Variants in BTD observed in about 807,000 individuals in gnomAD.
The protein encoded by BTD is biotinidase.
A neutral mutation model predicts 17.7 loss-of-function variants in BTD; 13 were observed. The ratio of observed to expected loss-of-function variants is 0.74; its 90% CI spans 0.48 to 1.17. The LOEUF is 1.17. BTD is among the 50% of genes most tolerant of loss of function. The pLI, the probability that BTD is intolerant of heterozygous loss-of-function variation, is 0.00. For missense variants in BTD, 674 were observed against 650.4 expected (o/e 1.04, Z -0.39); for synonymous variants, 240 against 245.2 (o/e 0.98, Z 0.20).
rs2065642615 is a variant in BTD at position 15,644,678 on chromosome 3, C to T, written c.762C>T (p.Asn254=). Residue 254 remains asparagine, a synonymous_variant, in exon 4 of 4, where the codon AAC becomes AAT. Transcript: ENST00000643237. ...KHVVYPTAWM[N]QLPLLAAIEI... ...TTGTGTACCCAACTGCCTGGATGAA[C>T]CAGCTCCCACTCTTGGCAGCAATTG... is the stretch of plus-strand genomic sequence containing the variant. The T allele has an allele frequency of 1.9e-6, 3 of 1,614,058 alleles. No homozygotes were observed. The highest frequency in any genetic ancestry group is 1.1e-5 in the South Asian group (1 of 91,082).
chr3:15,708,103 G>C lies in BTD; in HGVS notation c.400-1957G>C, dbSNP rs180729041. 1.2e-4 allele frequency: 188 copies of C among 1,566,528 alleles called. 1 individual carries two copies. Among genetic ancestry groups the C allele is most frequent in the Non-Finnish European group, 1.6e-4 (180 of 1,153,926 alleles). On this transcript the variant is annotated intron_variant, in intron 3 of 3. Transcript: ENST00000672141. ...GTTAATACAAGAAAGATAAAAGCCA[G>C]AGACATAACTAGTAAACAAAAGCAT... is the stretch of plus-strand genomic sequence containing the variant.
At chr3:15,661,784 C>T (rs1456599601) in intron 3 of BTD, among the ~76,000 whole-genome samples, 1 of 152,112 alleles carries the variant, frequency 6.6e-6, no homozygotes, top group Non-Finnish European at 1.5e-5. Flanking sequence ...GTTCTGTGAT[C>T]CATTTTGTTA....
intron 3 of BTD, among the ~76,000 whole-genome samples, chr3:15,678,017 G>A (rs1317411867): frequency 6.6e-6 from 1 of 152,164 alleles, no homozygotes; most frequent in Non-Finnish European, 1.5e-5. Context: ...CCATGGTAAA[G>A]TAGACTCCTC....
intron 1 of BTD, among the ~76,000 whole-genome samples, chr3:15,614,295 T>G (rs1417563335): frequency 6.6e-6 from 1 of 151,948 alleles, no homozygotes; most frequent in Admixed American, 6.6e-5. Context: ...AGCTAATACT[T>G]TTTTACTTTT....
At chr3:15,621,792 G>A (rs2064958094) in intron 1 of BTD, among the ~76,000 whole-genome samples, 1 of 151,994 alleles carries the variant, frequency 6.6e-6, no homozygotes, top group Non-Finnish European at 1.5e-5. Context: ...TAGAGATGGG[G>A]TTTCACCATG....
chr3:15,680,733 A>G (rs2067451706), intron 3 of BTD, among the ~76,000 whole-genome samples: 1 of 151,880 alleles, frequency 6.6e-6, no homozygotes, highest in Admixed American at 6.6e-5. Flanking sequence ...TGGCATGATC[A>G]TGACTCTCTG....
chr3:15,611,254 C>T (rs1351113808), intron 1 of BTD, among the ~76,000 whole-genome samples: 1 of 152,006 alleles, frequency 6.6e-6, no homozygotes, highest in African/African-American at 2.4e-5. Flanking sequence ...TGGCAAGTAC[C>T]CTCTGTACTC....
At chr3:15,605,411 A>G (rs973756368) in intron 1 of BTD, among the ~76,000 whole-genome samples, 2 of 152,192 alleles carry the variant, frequency 1.3e-5, no homozygotes, top group Admixed American at 1.3e-4. Context: ...GGTACCGCTC[A>G]TGATATGTAG....
At chr3:15,670,207 G>A (rs2125569283) in intron 3 of BTD, 1 of 1,534,944 alleles carries the variant, frequency 6.5e-7, no homozygotes, top group Non-Finnish European at 8.9e-7. Flanking sequence ...ATATCAAAGT[G>A]CCTTTTTCCT....
At chr3:15,716,868 G>A (rs1255604919), downstream of BTD, among the ~76,000 whole-genome samples, 4 of 152,140 alleles carry the variant, frequency 2.6e-5, no homozygotes, top group Non-Finnish European at 5.9e-5. Context: ...AGGCCAAAGC[G>A]GAAGGACTGC....
chr3:15,689,018 A>T (rs2068474676), intron 3 of BTD, among the ~76,000 whole-genome samples: 1 of 152,262 alleles, frequency 6.6e-6, no homozygotes, highest in Admixed American at 6.5e-5. Context: ...CAGAAGTTAG[A>T]TTATTACATA....
intron 3 of BTD, among the ~76,000 whole-genome samples, chr3:15,675,632 T>C (rs1283738559): frequency 6.6e-6 from 1 of 152,192 alleles, no homozygotes; most frequent in Non-Finnish European, 1.5e-5. Flanking sequence ...AACAAAATCT[T>C]TGGCTACTAA....
chr3:15,688,354 CT>C (rs1189874169), intron 3 of BTD, among the ~76,000 whole-genome samples: 3 of 152,150 alleles, frequency 2.0e-5, no homozygotes, highest in Admixed American at 1.3e-4. Flanking sequence ...TGAAACTGAA[CT>C]CAAGTGACCC....
At chr3:15,692,696 T>C (rs2068968539) in intron 3 of BTD, among the ~76,000 whole-genome samples, 1 of 152,196 alleles carries the variant, frequency 6.6e-6, no homozygotes, top group Non-Finnish European at 1.5e-5. Context: ...TAAAGTAACT[T>C]CTGAAAACCT....
At chr3:15,692,546 C>T (rs571657441) in intron 3 of BTD, among the ~76,000 whole-genome samples, 5 of 152,282 alleles carry the variant, frequency 3.3e-5, no homozygotes, top group Admixed American at 1.3e-4. Flanking sequence ...CCCATGATAT[C>T]CTTGTATGGG....
chr3:15,699,221 A>G (rs1249495778), intron 3 of BTD, among the ~76,000 whole-genome samples: 2 of 152,198 alleles, frequency 1.3e-5, no homozygotes, highest in Non-Finnish European at 2.9e-5. Context: ...CCTTCCTTAC[A>G]CTATATACAA....
At chr3:15,688,228 C>T (rs1295016688) in intron 3 of BTD, among the ~76,000 whole-genome samples, 1 of 152,142 alleles carries the variant, frequency 6.6e-6, no homozygotes, top group Non-Finnish European at 1.5e-5. Context: ...ATTTTTCTAG[C>T]TATAGATTAA....
At chr3:15,609,111 A>G (rs1436950985) in intron 1 of BTD, among the ~76,000 whole-genome samples, 1 of 152,190 alleles carries the variant, frequency 6.6e-6, no homozygotes, top group African/African-American at 2.4e-5. Flanking sequence ...TTCTTTTTAC[A>G]TCATAACGTT....
intron 1 of BTD, among the ~76,000 whole-genome samples, chr3:15,627,430 G>T (rs2065094763): frequency 6.6e-6 from 1 of 152,072 alleles, no homozygotes; most frequent in Admixed American, 6.5e-5. Context: ...GTTTCTCCAT[G>T]TTGCCCAGGC....
Sources: gnomAD v4.1 joint callset for allele counts (sites outside exome capture counted in the v4.1 genomes callset) on GRCh38, gnomAD v4.1.1 for gene constraint, MANE v1.5 for transcripts, NCBI Gene and HGNC (gene_info 2026-07-23, HGNC 2026-07-21) for gene names.